The following MKLN1 variants were observed in gnomAD, a reference collection of about 807,000 sequenced individuals.
The protein encoded by MKLN1 is muskelin 1.
Under a neutral mutation model 99.0 loss-of-function variants are expected in MKLN1, and 18 were observed. That is an observed-to-expected ratio of 0.18 (90% CI 0.13 to 0.27). MKLN1 has a LOEUF of 0.27. Among genes scored for constraint, MKLN1 ranks in the 10% least tolerant of loss-of-function variants. The pLI, the probability that MKLN1 is intolerant of heterozygous loss-of-function variation, is 1.00. For synonymous variants in MKLN1, 288 were observed against 293.2 expected (o/e 0.98, Z 0.18); for missense variants, 621 against 875.9 (o/e 0.71, Z 3.67).
intron 2 of MKLN1, among the ~76,000 whole-genome samples, chr7:131,175,424 T>C (rs1358482635): frequency 6.6e-6 from 1 of 152,172 alleles, no homozygotes. Context: ...TGACAGCCAA[T>C]TTTGTAATCC....
At chr7:131,324,368 C>G (rs1331991355), upstream of MKLN1, 1 of 152,298 alleles carries the variant, frequency 6.6e-6, no homozygotes, top group East Asian at 1.9e-4. Flanking sequence ...AGAGAAACAC[C>G]ACCAGCTGGT....
intron 3 of MKLN1, among the ~76,000 whole-genome samples, chr7:131,279,422 A>G (rs1436709866): frequency 6.6e-6 from 1 of 152,196 alleles, no homozygotes; most frequent in African/African-American, 2.4e-5. Flanking sequence ...ACAGTAATTG[A>G]ACTAGAATTC....
At chr7:131,404,328 T>C (rs1422621815) in intron 6 of MKLN1, among the ~76,000 whole-genome samples, 1 of 152,028 alleles carries the variant, frequency 6.6e-6, no homozygotes, top group East Asian at 1.9e-4. Flanking sequence ...TGTGTGGAGG[T>C]TTTTGTGTTC....
At chr7:131,437,238 C>T (rs411314) in intron 9 of MKLN1, among the ~76,000 whole-genome samples, 1 of 151,908 alleles carries the variant, frequency 6.6e-6, no homozygotes, top group Admixed American at 6.6e-5. Flanking sequence ...CCCCACCCCT[C>T]GACAGTCCCT....
intron 1 of MKLN1, among the ~76,000 whole-genome samples, chr7:131,342,797 C>T (rs1799445979): frequency 6.6e-6 from 1 of 152,144 alleles, no homozygotes; most frequent in African/African-American, 2.4e-5. Context: ...TTTCTACAAC[C>T]TAAAATGCTA....
intron 2 of MKLN1, among the ~76,000 whole-genome samples, chr7:131,377,571 T>C (rs1184755156): frequency 1.3e-5 from 2 of 152,192 alleles, no homozygotes; most frequent in Non-Finnish European, 2.9e-5. Flanking sequence ...TTCTTATTAA[T>C]GATCTTTTCT....
chr7:131,401,014 A>T (rs1409792041), intron 6 of MKLN1, among the ~76,000 whole-genome samples: 1 of 152,072 alleles, frequency 6.6e-6, no homozygotes, highest in Non-Finnish European at 1.5e-5. Context: ...GATTTGTTGG[A>T]CAAATAAGGA....
chr7:131,233,974 T>A (rs988902393), intron 3 of MKLN1, among the ~76,000 whole-genome samples: 1 of 152,164 alleles, frequency 6.6e-6, no homozygotes, highest in Non-Finnish European at 1.5e-5. Context: ...TTTCCTTTTC[T>A]TTTTATTTTA....
chr7:131,302,886 A>G (rs1798396081), intron 3 of MKLN1, among the ~76,000 whole-genome samples: 1 of 152,156 alleles, frequency 6.6e-6, no homozygotes. Flanking sequence ...TGACAGGTTC[A>G]ATGAGAAGGT....
intron 2 of MKLN1, among the ~76,000 whole-genome samples, chr7:131,182,812 TATAC>T (rs765055305): frequency 6.6e-6 from 1 of 152,184 alleles, no homozygotes; most frequent in Non-Finnish European, 1.5e-5. Flanking sequence ...AGTACAGAAA[TATAC>T]ATAATCTTTG....
chr7:131,164,931 C>T (rs947507658), intron 2 of MKLN1, among the ~76,000 whole-genome samples: 5 of 152,100 alleles, frequency 3.3e-5, no homozygotes, highest in East Asian at 3.8e-4. Flanking sequence ...GGAGCAACAA[C>T]GATGAACAAG....
intron 2 of MKLN1, among the ~76,000 whole-genome samples, chr7:131,183,072 A>G (rs1401922185): frequency 6.6e-6 from 1 of 152,246 alleles, no homozygotes; most frequent in East Asian, 1.9e-4. Context: ...ACTCATATAA[A>G]GTGAAATCCT....
intron 1 of MKLN1, among the ~76,000 whole-genome samples, chr7:131,127,466 G>A (rs981007651): frequency 6.6e-6 from 1 of 152,180 alleles, no homozygotes; most frequent in Non-Finnish European, 1.5e-5. Flanking sequence ...CCTCTGAGAA[G>A]GGGTAGAGAG....
intron 2 of MKLN1, among the ~76,000 whole-genome samples, chr7:131,168,859 T>C (rs1796173942): frequency 6.8e-6 from 1 of 147,054 alleles, no homozygotes; most frequent in South Asian, 2.2e-4. Flanking sequence ...GAAATTTAAA[T>C]CGTTGTTTTC....
chr7:131,431,209 G>A (rs1795511986), intron 9 of MKLN1, among the ~76,000 whole-genome samples: 1 of 151,070 alleles, frequency 6.6e-6, no homozygotes, highest in Admixed American at 6.6e-5. Context: ...TCGACAGAGT[G>A]AGACTCTGTC....
At chr7:131,340,981 TATG>T (rs1204107463) in intron 1 of MKLN1, among the ~76,000 whole-genome samples, 1 of 152,286 alleles carries the variant, frequency 6.6e-6, no homozygotes, top group East Asian at 1.9e-4. Context: ...ATATTTTTAT[TATG>T]AAGTTATTTA....
At chr7:131,135,454 CA>C (rs1169116214) in intron 1 of MKLN1, among the ~76,000 whole-genome samples, 1 of 152,094 alleles carries the variant, frequency 6.6e-6, no homozygotes, top group Non-Finnish European at 1.5e-5. Flanking sequence ...TTTAGGGACG[CA>C]TCAGAGTGAG....
intron 3 of MKLN1, among the ~76,000 whole-genome samples, chr7:131,275,555 ATATATATATATATTTTTTTTTTT>A (rs71828003): frequency 0.075 from 1,260 of 16,758 alleles, 47 homozygotes; most frequent in African/African-American, 0.26. Context: ...ATATATATAT[ATATATATATATATTTTTTTTTTT>A]TTTTTTTTTT....
At chr7:131,388,505 T>G (rs934957729) in intron 3 of MKLN1, among the ~76,000 whole-genome samples, 29 of 152,248 alleles carry the variant, frequency 1.9e-4, no homozygotes, top group African/African-American at 7.0e-4. Flanking sequence ...TTCTAATATG[T>G]GGTTTTAAAT....
Sources: allele counts gnomAD v4.1 joint callset (sites outside exome capture counted in the v4.1 genomes callset), GRCh38; gene constraint gnomAD v4.1.1; transcripts MANE v1.5; gene names NCBI Gene and HGNC (gene_info 2026-07-23, HGNC 2026-07-21).